Variants in FAM83B observed in about 807,000 individuals in gnomAD.
FAM83B encodes protein FAM83B.
In FAM83B, 26 loss-of-function variants were observed where a neutral mutation model predicts 38.8. The ratio of observed to expected loss-of-function variants is 0.67; its 90% confidence interval spans 0.49 to 0.93. The LOEUF (loss-of-function observed/expected upper bound fraction) is 0.93, where lower values mean the gene tolerates loss of function less well. Among genes scored for constraint, FAM83B ranks in the 40% least tolerant of loss-of-function variants. The pLI, the probability that FAM83B is intolerant of heterozygous loss-of-function variation, is 0.00. For synonymous variants in FAM83B, 419 were observed against 423.1 expected (o/e 0.99, Z 0.12); for missense variants, 1,237 against 1,197.3 (o/e 1.03, Z -0.49).
intron 1 of FAM83B, among the ~76,000 whole-genome samples, chr6:54,847,972 C>T (rs1771180331): frequency 6.6e-6 from 1 of 152,102 alleles, no homozygotes; most frequent in South Asian, 2.1e-4. Context: ...TTCCCTTTCT[C>T]ATCCTAACAA....
Position 54,940,958 on chromosome 6 carries a change from C to A in FAM83B, c.1987C>A (p.Arg663=), listed in dbSNP as rs769006497. Residue 663 remains arginine, a synonymous_variant, in exon 5 of 5, where the codon CGA becomes AGA. Transcript: ENST00000306858. ...ACAGACTGAGAATCTACTTAAAAGG[C>A]GAAGTTTCCCGTTATTTGACAACTC... ...NQQTENLLKR[R]SFPLFDNSKA... is the part of the protein sequence containing the mutation. The A allele has an allele frequency of 1.2e-6, 2 of 1,613,556 alleles. No individual in the cohort carries two copies. The highest frequency in any genetic ancestry group is 1.7e-6 in the Non-Finnish European group (2 of 1,179,890).
At chr6:54,935,461 A>C (rs1246556246) in intron 4 of FAM83B, among the ~76,000 whole-genome samples, 1 of 152,148 alleles carries the variant, frequency 6.6e-6, no homozygotes, top group Admixed American at 6.6e-5. Flanking sequence ...GATATATTGA[A>C]GAGGGAACAA....
intron 2 of FAM83B, among the ~76,000 whole-genome samples, chr6:54,895,810 G>C (rs1229344450): frequency 6.6e-6 from 1 of 151,934 alleles, no homozygotes; most frequent in East Asian, 1.9e-4. Context: ...GGGTGATCTT[G>C]GCTCACTGCA....
chr6:54,929,240 T>C (rs1773372767), intron 4 of FAM83B, among the ~76,000 whole-genome samples: 1 of 152,198 alleles, frequency 6.6e-6, no homozygotes, highest in African/African-American at 2.4e-5. Context: ...TGAACTAGTT[T>C]GGTTAAAAGT....
intron 2 of FAM83B, among the ~76,000 whole-genome samples, chr6:54,888,461 T>TA (rs1178486833): frequency 6.6e-6 from 1 of 151,912 alleles, no homozygotes; most frequent in Non-Finnish European, 1.5e-5. Context: ...CTTGGAACTT[T>TA]AAAAAAATGT....
chr6:54,868,669 C>T (rs1771773655), intron 1 of FAM83B, among the ~76,000 whole-genome samples: 1 of 152,118 alleles, frequency 6.6e-6, no homozygotes, highest in Non-Finnish European at 1.5e-5. Flanking sequence ...AATTCAGATG[C>T]TGCCATCCCC....
intron 4 of FAM83B, among the ~76,000 whole-genome samples, chr6:54,934,815 T>G (rs1192405409): frequency 6.6e-6 from 1 of 152,110 alleles, no homozygotes; most frequent in African/African-American, 2.4e-5. Flanking sequence ...TTTCTCTATT[T>G]TCATGACCTT....
intron 1 of FAM83B, among the ~76,000 whole-genome samples, chr6:54,865,830 G>A (rs990901107): frequency 1.3e-5 from 2 of 152,000 alleles, no homozygotes; most frequent in African/African-American, 2.4e-5. Flanking sequence ...TACTGCAGAT[G>A]ATTAAATAGT....
intron 2 of FAM83B, among the ~76,000 whole-genome samples, chr6:54,883,136 G>T (rs1772174713): frequency 6.6e-6 from 1 of 151,828 alleles, no homozygotes; most frequent in Non-Finnish European, 1.5e-5. Flanking sequence ...AGTAGAGACT[G>T]GTTTCACCGT....
intron 2 of FAM83B, among the ~76,000 whole-genome samples, chr6:54,900,573 A>G (rs1772639271): frequency 6.6e-6 from 1 of 152,212 alleles, no homozygotes; most frequent in Non-Finnish European, 1.5e-5. Context: ...TTGTTGCCAT[A>G]GATTCTGTCT....
intron 1 of FAM83B, among the ~76,000 whole-genome samples, chr6:54,854,131 A>G (rs1771382629): frequency 6.6e-6 from 1 of 152,216 alleles, no homozygotes; most frequent in Non-Finnish European, 1.5e-5. Context: ...TAACACTTTA[A>G]TGGATGTGGT....
chr6:54,929,082 C>G (rs972728162), intron 4 of FAM83B, among the ~76,000 whole-genome samples: 1 of 152,144 alleles, frequency 6.6e-6, no homozygotes, highest in African/African-American at 2.4e-5. Flanking sequence ...AACTAACACT[C>G]TATTCTCTGT....
rs767829396 is a variant in FAM83B at position 54,926,362 on chromosome 6, ATT to A, written c.445-7_445-6del. On this transcript the variant is annotated splice_polypyrimidine_tract_variant and splice_region_variant and intron_variant, in intron 2 of 4. Coordinates refer to ENST00000306858, the MANE Select transcript of FAM83B (RefSeq NM_001010872.3). ...ATCTAAAATTGTTTCATATTCTTAT[ATT>A]TAACAGGTCATTGCTTTAGTGATGG... 1 of 1,529,566 alleles carries A rather than the reference ATT, an allele frequency of 6.5e-7. No homozygotes were observed. 94.7% of individuals were successfully genotyped at this position (1,529,566 alleles called of 1,614,324 possible).
chr6:54,891,342 C>CT (rs5876409), intron 2 of FAM83B, among the ~76,000 whole-genome samples: 58,710 of 151,854 alleles, frequency 0.39, 12,345 homozygotes, highest in East Asian at 0.86. Context: ...CTTTAATTCT[C>CT]TTACCATTGG....
intron 2 of FAM83B, among the ~76,000 whole-genome samples, chr6:54,896,921 A>G (rs138349163): frequency 2.4e-3 from 360 of 152,358 alleles, no homozygotes; most frequent in Middle Eastern, 3.4e-3. Context: ...TTGTTGAAAA[A>G]TAAACATAAT....
At chr6:54,878,082 G>C (rs1326629068) in intron 2 of FAM83B, among the ~76,000 whole-genome samples, 1 of 152,202 alleles carries the variant, frequency 6.6e-6, no homozygotes, top group Non-Finnish European at 1.5e-5. Flanking sequence ...GCGTTTCTGA[G>C]TTCAAAGGTA....
At chr6:54,928,723 TAATTAA>T (rs1355116049) in intron 4 of FAM83B, among the ~76,000 whole-genome samples, 5 of 152,226 alleles carry the variant, frequency 3.3e-5, no homozygotes, top group African/African-American at 1.2e-4. Flanking sequence ...ATTGAACTTT[TAATTAA>T]AATTGAGAGT....
chr6:54,930,673 C>G (rs1773400127), intron 4 of FAM83B, among the ~76,000 whole-genome samples: 1 of 152,052 alleles, frequency 6.6e-6, no homozygotes, highest in Non-Finnish European at 1.5e-5. Flanking sequence ...TATTATTAGT[C>G]ACATTCTTTT....
At chr6:54,902,622 T>A (rs1772685290) in intron 2 of FAM83B, among the ~76,000 whole-genome samples, 1 of 150,276 alleles carries the variant, frequency 6.7e-6, no homozygotes. Flanking sequence ...TTTTTCCATA[T>A]TTTTATGTTT....
Sources: allele counts gnomAD v4.1 joint callset (sites outside exome capture counted in the v4.1 genomes callset), GRCh38; gene constraint gnomAD v4.1.1; transcripts MANE v1.5; gene names NCBI Gene and HGNC (gene_info 2026-07-23, HGNC 2026-07-21).